CHD4: variants seen among roughly 807,000 people sequenced by gnomAD.
CHD4 encodes ATP-dependent chromatin remodeler CHD4.
Under a neutral mutation model 235.5 loss-of-function variants are expected in CHD4, and 35 were observed. That is an observed-to-expected ratio of 0.15 (90% CI 0.11 to 0.20). CHD4 has a LOEUF of 0.20. Among genes scored for constraint, CHD4 ranks in the 10% least tolerant of loss-of-function variants. CHD4 has a pLI of 1.00. For synonymous variants in CHD4, 900 were observed against 850.2 expected (o/e 1.06, Z -1.02); for missense variants, 1,329 against 2,432.3 (o/e 0.55, Z 9.54).
chr12:6,600,476 A>C, intron 8 of CHD4, 58 bp downstream of exon 8: 1 of 1,511,546 alleles, frequency 6.6e-7, no homozygotes, highest in Non-Finnish European at 9.1e-7. Context: ...CCTTAGGGAG[A>C]TTCTTCCCCA....
intron 33 of CHD4, chr12:6,580,760 G>A (rs1462266386): frequency 3.0e-5 from 8 of 264,062 alleles, no homozygotes; most frequent in Admixed American, 1.6e-4. Context: ...TGTAATCCCA[G>A]CAATCTGGGA....
chr12:6,587,184 G>T lies in CHD4; in HGVS notation c.3879+200C>A, dbSNP rs867965736. ...ACTGTTGTGAGCATGATATTTGGTTGTAAGTTTTCTGACAACCAAGGCAAA... is the reference window on the plus strand; with the variant it reads ...ACTGTTGTGAGCATGATATTTGGTTTTAAGTTTTCTGACAACCAAGGCAAA... On this transcript the variant is annotated intron_variant, in intron 25 of 39. Coordinates refer to ENST00000544040, the MANE Select transcript of CHD4 (RefSeq NM_001273.5). 2.6e-5 allele frequency: 15 copies of T among 583,776 alleles called. No individual in the cohort carries two copies. In the Middle Eastern group the frequency reaches 1.4e-3, roughly 55 times the overall value. The allele number at this position is 583,776 out of a possible 1,614,324, so 36.2% of individuals were successfully genotyped here. A position where few individuals can be genotyped will look rare whatever the true frequency, so the allele number is the denominator to read the frequency against.
intron 8 of CHD4, 31 bp downstream of exon 8, chr12:6,600,503 C>G: frequency 6.4e-7 from 1 of 1,574,138 alleles, no homozygotes; most frequent in Non-Finnish European, 8.7e-7. Context: ...CCCACCTCAT[C>G]CCATCACAAA....
rs907757108 is a variant in CHD4 at position 6,606,388 on chromosome 12, G to A, written c.-15C>T. 6.4e-7 allele frequency: 1 copy of A among 1,561,372 alleles called. No homozygotes were observed. The highest frequency in any genetic ancestry group is 1.1e-5 in the South Asian group (1 of 86,990). On this transcript the variant is annotated 5_prime_UTR_variant, in exon 2 of 40. Coordinates refer to ENST00000544040, the MANE Select transcript of CHD4 (RefSeq NM_001273.5). ...CCCGACGCCATCCCCTTCCGCTCCCGGCCAGGGAATTGGCCCAGCTGCTCC... is the reference window on the plus strand; with the variant it reads ...CCCGACGCCATCCCCTTCCGCTCCCAGCCAGGGAATTGGCCCAGCTGCTCC...
chr12:6,586,081 C>A (rs1166483402), intron 25 of CHD4, among the ~76,000 whole-genome samples: 1 of 144,766 alleles, frequency 6.9e-6, no homozygotes, highest in East Asian at 2.1e-4. Flanking sequence ...GCCTGGGCAA[C>A]AGAGCAAGAC....
intron 2 of CHD4, among the ~76,000 whole-genome samples, chr12:6,605,291 AAAATT>A (rs1461371262): frequency 6.6e-6 from 1 of 152,224 alleles, no homozygotes; most frequent in Non-Finnish European, 1.5e-5. Flanking sequence ...TGTAGAAAAA[AAAATT>A]AAACTAGAAA....
At chr12:6,582,047 C>A (rs1225230398) in intron 30 of CHD4, 90 bp downstream of exon 30, 2 of 1,379,382 alleles carry the variant, frequency 1.4e-6, no homozygotes, top group Non-Finnish European at 1.9e-6. Flanking sequence ...AAGTGATCCA[C>A]CCGCCTCAGC....
rs1413964752 is a variant in CHD4 at position 6,595,343 on chromosome 12, T to C, written c.2112A>G (p.Pro704=). ...LRKLERPPET[P]TVDPTVKYER... is the part of the protein sequence containing the mutation. The stretch of plus-strand genomic sequence containing the variant: ...TTCCACCCCCACTCACATCAACTGT[T>C]GGCGTTTCTGGAGGCCTCTCCAACT... Residue 704 remains proline, a synonymous_variant, in exon 14 of 40, where the codon CCA becomes CCG. Transcript: ENST00000544040. 2 of 1,613,956 alleles carry C rather than the reference T, an allele frequency of 1.2e-6. No homozygotes were observed. The highest frequency in any genetic ancestry group is 1.3e-5 in the African/African-American group (1 of 74,922).
intron 2 of CHD4, among the ~76,000 whole-genome samples, chr12:6,603,440 G>C (rs891241713): frequency 6.6e-6 from 1 of 151,910 alleles, no homozygotes; most frequent in Non-Finnish European, 1.5e-5. Context: ...AGAAGGGAGT[G>C]CCTCACCCAC....
intron 33 of CHD4, among the ~76,000 whole-genome samples, chr12:6,579,807 C>A (rs7973027): frequency 0.75 from 112,219 of 150,026 alleles, 42,962 homozygotes; most frequent in African/African-American, 0.93. Context: ...CTGTAATCCC[C>A]GCACTTTGGG....
intron 36 of CHD4, 55 bp from the exon 37 acceptor site, chr12:6,577,972 A>G (rs2136196430): frequency 1.2e-6 from 2 of 1,611,916 alleles, no homozygotes; most frequent in Non-Finnish European, 1.7e-6. Context: ...ACCTCAAACT[A>G]AAAGACCTTC....
intron 6 of CHD4, 32 bp from the exon 7 acceptor site, chr12:6,601,085 C>T (rs765052129): frequency 1.3e-6 from 2 of 1,533,956 alleles, no homozygotes; most frequent in East Asian, 2.3e-5. Context: ...ATATATACCA[C>T]AAGACCAAAG....
intron 2 of CHD4, among the ~76,000 whole-genome samples, chr12:6,605,501 G>C (rs943689306): frequency 6.6e-6 from 1 of 152,016 alleles, no homozygotes; most frequent in East Asian, 1.9e-4. Flanking sequence ...CACAGATAGC[G>C]TAACCCCTAG....
chr12:6,582,470 G>C, intron 29 of CHD4, 145 bp downstream of exon 29: 1 of 1,346,156 alleles, frequency 7.4e-7, no homozygotes, highest in Non-Finnish European at 1.0e-6. Context: ...GGGAAGCTAG[G>C]AACACATTAC....
chr12:6,584,756 A>G lies in CHD4; in HGVS notation c.3880-1378T>C, dbSNP rs547388705. 22 of 152,350 alleles carry G rather than the reference A, an allele frequency of 1.4e-4. No homozygotes were observed. The East Asian group carries it at 3.9e-3, about 27-fold the overall frequency. 9.4% of individuals were successfully genotyped at this position (152,350 alleles called of 1,614,324 possible). On this transcript the variant is annotated intron_variant, in intron 25 of 39. Coordinates refer to ENST00000544040, the MANE Select transcript of CHD4 (RefSeq NM_001273.5). The stretch of plus-strand genomic sequence containing the variant: ...CTTAAAAATATTTTAAAAGAAGTCA[A>G]CAGCAGCTATAGTCACTAATCAAAG...
At chr12:6,596,894 G>A (rs1592277959) in intron 12 of CHD4, among the ~76,000 whole-genome samples, 1 of 151,242 alleles carries the variant, frequency 6.6e-6, no homozygotes, top group African/African-American at 2.4e-5. Context: ...GAGAGGCGGA[G>A]GTTGCAGTGA....
chr12:6,586,238 A>G (rs1182154972), intron 25 of CHD4, among the ~76,000 whole-genome samples: 1 of 151,534 alleles, frequency 6.6e-6, no homozygotes, highest in Admixed American at 6.6e-5. Context: ...CTCTACTAAA[A>G]ATACAAAAAA....
At chr12:6,600,844 A>G (rs1031474389) in intron 7 of CHD4, 82 bp downstream of exon 7, 4 of 1,521,772 alleles carry the variant, frequency 2.6e-6, no homozygotes, top group South Asian at 1.3e-5. Flanking sequence ...CGTGCCTACT[A>G]TGAAGGACAG....
At chr12:6,585,090 T>C (rs1948258348) in intron 25 of CHD4, among the ~76,000 whole-genome samples, 1 of 152,124 alleles carries the variant, frequency 6.6e-6, no homozygotes, top group African/African-American at 2.4e-5. Context: ...CCAGAACCAA[T>C]GCCAACTGAA....
Sources: gnomAD v4.1 joint callset for allele counts (sites outside exome capture counted in the v4.1 genomes callset) on GRCh38, gnomAD v4.1.1 for gene constraint, MANE v1.5 for transcripts, NCBI Gene and HGNC (gene_info 2026-07-23, HGNC 2026-07-21) for gene names.